SOX5: variants seen among roughly 807,000 people sequenced by gnomAD.
SOX5 encodes the protein transcription factor SOX-5.
In SOX5, 9 loss-of-function variants were observed where a neutral mutation model predicts 92.0. That is an observed-to-expected ratio of 0.10 (90% CI 0.06 to 0.17). The LOEUF is 0.17. SOX5 is among the 10% of genes least tolerant of loss of function. The probability of loss-of-function intolerance (pLI) is 1.00; values close to 1 mark genes in which losing one functional copy is unlikely to be tolerated. For synonymous variants in SOX5, 344 were observed against 336.3 expected (o/e 1.02, Z -0.25); for missense variants, 642 against 944.5 (o/e 0.68, Z 4.20).
At chr12:24,315,902 A>G (rs1033154325) in intron 2 of SOX5, among the ~76,000 whole-genome samples, 13 of 152,154 alleles carry the variant, frequency 8.5e-5, no homozygotes, top group Non-Finnish European at 1.5e-5. Context: ...TGTTCAACTA[A>G]CTCAGGCTTC....
At chr12:24,317,961 G>A (rs1042875373) in intron 2 of SOX5, among the ~76,000 whole-genome samples, 7 of 152,068 alleles carry the variant, frequency 4.6e-5, no homozygotes, top group East Asian at 3.9e-4. Context: ...CTGTAATCCC[G>A]GCACTTTGGG....
At chr12:23,919,522 A>G (rs2097458003) in intron 1 of SOX5, among the ~76,000 whole-genome samples, 1 of 152,230 alleles carries the variant, frequency 6.6e-6, no homozygotes, top group Non-Finnish European at 1.5e-5. Flanking sequence ...ATAGCAACTA[A>G]GATATCACAC....
intron 6 of SOX5, among the ~76,000 whole-genome samples, chr12:23,679,406 A>C (rs79006073): frequency 0.022 from 3,376 of 152,254 alleles, 92 homozygotes; most frequent in African/African-American, 0.067. Flanking sequence ...GCTGCTGATG[A>C]TGATGATTCT....
rs558241801 is a variant in SOX5 at position 23,903,704 on chromosome 12, G to A, written c.39-7680C>T. Among the ~76,000 whole-genome samples the A allele has an allele frequency of 1.6e-3, 248 of 152,324 alleles. 3 individuals are homozygous for A. Among genetic ancestry groups the A allele is most frequent in the African/African-American group, 5.4e-3 (224 of 41,580 alleles). On this transcript the variant is annotated intron_variant, in intron 1 of 14. Transcript: ENST00000451604. ...CAAAGAGAATAATACTTTCCTGGAA[G>A]TTATGTGCCTTAAGTTTTTCGAGTA...
chr12:23,734,135 G>C (rs979037223), intron 6 of SOX5, among the ~76,000 whole-genome samples: 1 of 152,138 alleles, frequency 6.6e-6, no homozygotes, highest in African/African-American at 2.4e-5. Flanking sequence ...CTGTATTGAT[G>C]CTCCTTATTA....
intron 2 of SOX5, among the ~76,000 whole-genome samples, chr12:24,305,534 T>C (rs1948468483): frequency 6.6e-6 from 1 of 152,216 alleles, no homozygotes; most frequent in South Asian, 2.1e-4. Flanking sequence ...AGTTTAATCT[T>C]TGCGAGATTT....
chr12:23,676,301 G>A (rs938519870), intron 6 of SOX5, among the ~76,000 whole-genome samples: 8 of 152,018 alleles, frequency 5.3e-5, no homozygotes, highest in East Asian at 1.9e-4. Flanking sequence ...CTACGTATAC[G>A]TACATCAAAA....
At position 23,532,909 on chromosome 12, in the gene SOX5, A is replaced by AAT. The variant is rs1422124206; in HGVS notation, c.*1308_*1309dup. 1 of 163,922 alleles carries AAT rather than the reference A, an allele frequency of 6.1e-6. No homozygotes were observed. The highest frequency in any genetic ancestry group is 2.4e-5 in the African/African-American group (1 of 41,824). The allele number at this position is 163,922 out of a possible 1,614,324, so 10.2% of individuals were successfully genotyped here. A position where few individuals can be genotyped will look rare whatever the true frequency, so the allele number is the denominator to read the frequency against. ...TGAAAACAATGATTGTTTTGCTCAA[A>AAT]ATATCAACAGGAAAAACAAAAATCA... On this transcript the variant is annotated 3_prime_UTR_variant, in exon 15 of 15. Coordinates refer to ENST00000451604, the MANE Select transcript of SOX5 (RefSeq NM_006940.6).
rs115211207 is a variant in SOX5, at chr12:24,345,414, A to T, written c.-174+23149T>A. Among the ~76,000 whole-genome samples, 352 of 152,304 alleles carry T rather than the reference A, an allele frequency of 2.3e-3. 2 individuals carry two copies. Among genetic ancestry groups the T allele is most frequent in the African/African-American group, 7.5e-3 (312 of 41,568 alleles). On this transcript the variant is annotated intron_variant, in intron 2 of 4. Coordinates refer to the SOX5 transcript ENST00000446891. ...AACCCTCTCCAGGGACTTGTAGTCC[A>T]TCTAGCACTTTTTCTCTACTGGTTT...
At chr12:24,034,327 C>T (rs1955802120) in intron 4 of SOX5, among the ~76,000 whole-genome samples, 1 of 151,958 alleles carries the variant, frequency 6.6e-6, no homozygotes, top group South Asian at 2.1e-4. Context: ...TGTTTCTCTC[C>T]CCTCTCTGGA....
intron 2 of SOX5, among the ~76,000 whole-genome samples, chr12:23,877,036 T>G (rs1016831794): frequency 8.6e-5 from 13 of 152,018 alleles, no homozygotes; most frequent in Admixed American, 6.6e-5. Flanking sequence ...GAGAAATATG[T>G]AATGTAGGTG....
intron 3 of SOX5, among the ~76,000 whole-genome samples, chr12:23,778,767 A>T (rs538145784): frequency 5.7e-4 from 87 of 152,208 alleles, no homozygotes; most frequent in Admixed American, 1.5e-3. Flanking sequence ...GAAGAGAAAA[A>T]ATGAGAGGAA....
chr12:24,219,715 C>T (rs1959937032), intron 3 of SOX5, among the ~76,000 whole-genome samples: 2 of 152,076 alleles, frequency 1.3e-5, no homozygotes. Flanking sequence ...TTTTCTGCCA[C>T]TGAAATTTAA....
At chr12:23,755,293 T>C (rs1372363751) in intron 4 of SOX5, among the ~76,000 whole-genome samples, 1 of 151,814 alleles carries the variant, frequency 6.6e-6, no homozygotes, top group African/African-American at 2.4e-5. Context: ...CAAAATCTTA[T>C]AAAATACAGT....
intron 4 of SOX5, among the ~76,000 whole-genome samples, chr12:23,963,605 T>C (rs895991086): frequency 6.6e-5 from 10 of 152,116 alleles, no homozygotes; most frequent in African/African-American, 2.4e-4. Flanking sequence ...TCAACAGAAT[T>C]ACAACAACCG....
intron 7 of SOX5, among the ~76,000 whole-genome samples, chr12:23,643,134 T>C (rs1592873929): frequency 6.9e-6 from 1 of 144,632 alleles, no homozygotes; most frequent in African/African-American, 2.6e-5. Flanking sequence ...ACTAGGATGG[T>C]GACATGGGGA....
chr12:24,007,821 A>G (rs924725654), intron 4 of SOX5, among the ~76,000 whole-genome samples: 1 of 32,150 alleles, frequency 3.1e-5, no homozygotes, highest in Non-Finnish European at 9.0e-5. Flanking sequence ...ACACACACAC[A>G]CATATATATA....
At chr12:24,515,291 A>T (rs1169014929) in intron 1 of SOX5, among the ~76,000 whole-genome samples, 2 of 152,220 alleles carry the variant, frequency 1.3e-5, no homozygotes, top group Non-Finnish European at 2.9e-5. Context: ...TCTCATCAGT[A>T]AAACTGGGTT....
At chr12:23,696,907 ATT>A (rs937907305) in intron 6 of SOX5, among the ~76,000 whole-genome samples, 14 of 152,242 alleles carry the variant, frequency 9.2e-5, no homozygotes, top group African/African-American at 3.1e-4. Context: ...TTTTCCAGAT[ATT>A]GTTTGCTTAC....
Sources: allele counts gnomAD v4.1 joint callset (sites outside exome capture counted in the v4.1 genomes callset), GRCh38; gene constraint gnomAD v4.1.1; transcripts MANE v1.5; gene names NCBI Gene and HGNC (gene_info 2026-07-23, HGNC 2026-07-21).